Variants in FRMD4A observed in about 807,000 individuals in gnomAD.
FRMD4A encodes the protein FERM domain-containing protein 4A.
A neutral mutation model predicts 129.1 loss-of-function variants in FRMD4A; 29 were observed. The ratio of observed to expected loss-of-function variants is 0.22; its 90% CI spans 0.17 to 0.31. FRMD4A has a LOEUF of 0.31. Among genes scored for constraint, FRMD4A ranks in the 10% least tolerant of loss-of-function variants. The pLI, the probability that FRMD4A is intolerant of heterozygous loss-of-function variation, is 1.00. For synonymous variants in FRMD4A, 634 were observed against 571.6 expected (o/e 1.11, Z -1.56); for missense variants, 1,272 against 1,375.8 (o/e 0.92, Z 1.19).
intron 2 of FRMD4A, among the ~76,000 whole-genome samples, chr10:14,194,439 T>C (rs1842412519): frequency 6.6e-6 from 1 of 152,090 alleles, no homozygotes; most frequent in South Asian, 2.1e-4. Flanking sequence ...TGAAACCCCG[T>C]CTCTACTAAA....
At chr10:14,043,495 A>C (rs974531836) in intron 2 of FRMD4A, among the ~76,000 whole-genome samples, 2 of 151,980 alleles carry the variant, frequency 1.3e-5, no homozygotes, top group African/African-American at 4.8e-5. Flanking sequence ...TTCCTCTCTG[A>C]TGTGCAGTTG....
At chr10:14,227,272 G>A (rs1360306543) in intron 2 of FRMD4A, among the ~76,000 whole-genome samples, 1 of 12,400 alleles carries the variant, frequency 8.1e-5, no homozygotes, top group Non-Finnish European at 2.2e-4. Context: ...TTTTTTTTTA[G>A]GCAGAGTCTC....
At chr10:13,787,511 G>T (rs1461416144) in intron 5 of FRMD4A, among the ~76,000 whole-genome samples, 3 of 152,182 alleles carry the variant, frequency 2.0e-5, no homozygotes, top group African/African-American at 7.2e-5. Flanking sequence ...ACTCAGGCTG[G>T]AGTGCAGTGT....
intron 2 of FRMD4A, among the ~76,000 whole-genome samples, chr10:14,099,667 C>A (rs1306645125): frequency 6.6e-6 from 1 of 152,166 alleles, no homozygotes; most frequent in African/African-American, 2.4e-5. Flanking sequence ...CCATGTTGTG[C>A]AAGGGTCAGC....
chr10:14,061,148 T>C (rs955916121), intron 2 of FRMD4A, among the ~76,000 whole-genome samples: 9 of 152,318 alleles, frequency 5.9e-5, no homozygotes, highest in Admixed American at 4.6e-4. Context: ...AAATATGCAA[T>C]ATTTAAAAGC....
At chr10:14,249,989 G>C (rs554145582) in intron 2 of FRMD4A, among the ~76,000 whole-genome samples, 6 of 152,090 alleles carry the variant, frequency 3.9e-5, no homozygotes, top group Non-Finnish European at 1.5e-5. Flanking sequence ...ATTTATTTGA[G>C]ACAGAGTTTT....
intron 2 of FRMD4A, among the ~76,000 whole-genome samples, chr10:14,124,004 C>G (rs76833623): frequency 2.6e-5 from 4 of 152,136 alleles, no homozygotes; most frequent in Non-Finnish European, 5.9e-5. Context: ...GCCACAGAGA[C>G]CTGCGTTTAG....
chr10:13,815,504 T>C (rs897210370), intron 3 of FRMD4A, among the ~76,000 whole-genome samples: 1 of 152,178 alleles, frequency 6.6e-6, no homozygotes. Context: ...TGTATGCATT[T>C]GATGCCACTG....
chr10:13,657,790 T>TTTTTTTG (rs2082299536), intron 21 of FRMD4A, among the ~76,000 whole-genome samples: 2 of 147,750 alleles, frequency 1.4e-5, no homozygotes, highest in African/African-American at 4.9e-5. Context: ...ATTTCTGGGT[T>TTTTTTTG]TTTTTTTTTT....
chr10:13,713,838 AATATATATACACATATATATAATAT>A (rs1168616920), intron 12 of FRMD4A, among the ~76,000 whole-genome samples: 1 of 80,154 alleles, frequency 1.2e-5, no homozygotes, highest in Non-Finnish European at 2.4e-5. Context: ...ACATATATGT[AATATATATACACATATATATAATAT>A]ATATACATAT....
At chr10:13,808,720 T>A (rs1251089313) in intron 4 of FRMD4A, among the ~76,000 whole-genome samples, 1 of 152,192 alleles carries the variant, frequency 6.6e-6, no homozygotes, top group Non-Finnish European at 1.5e-5. Context: ...CATCTGCTAG[T>A]TCTTTTTCAG....
At chr10:14,104,125 CTACACTGCCATTGAGGT>C (rs1837454984) in intron 2 of FRMD4A, among the ~76,000 whole-genome samples, 1 of 152,154 alleles carries the variant, frequency 6.6e-6, no homozygotes, top group South Asian at 2.1e-4. Flanking sequence ...CCATCAAGGT[CTACACTGCCATTGAGGT>C]TACGCTGCCA....
intron 2 of FRMD4A, among the ~76,000 whole-genome samples, chr10:14,202,561 C>T (rs1328213983): frequency 5.3e-5 from 8 of 151,972 alleles, no homozygotes; most frequent in East Asian, 3.9e-4. Flanking sequence ...GCACCACCCC[C>T]GGCTAATTTT....
intron 24 of FRMD4A, chr10:13,651,153 G>C (rs2081545367): frequency 6.6e-6 from 1 of 152,246 alleles, no homozygotes; most frequent in African/African-American, 2.4e-5. Flanking sequence ...AGGTTCAGTA[G>C]GCCAGGGTGG....
At chr10:13,835,791 T>C (rs1373079481) in intron 3 of FRMD4A, among the ~76,000 whole-genome samples, 3 of 152,232 alleles carry the variant, frequency 2.0e-5, no homozygotes, top group South Asian at 2.1e-4. Flanking sequence ...ATAATAGAAA[T>C]AAAGTGCACA....
At chr10:13,872,054 T>C (rs950053310) in intron 2 of FRMD4A, among the ~76,000 whole-genome samples, 3 of 152,210 alleles carry the variant, frequency 2.0e-5, no homozygotes, top group Non-Finnish European at 4.4e-5. Context: ...TCCTACCTCG[T>C]AGAGTTGTGA....
chr10:13,702,540 A>ATATGTGTG (rs1554852830), intron 13 of FRMD4A, among the ~76,000 whole-genome samples: 5 of 107,718 alleles, frequency 4.6e-5, no homozygotes, highest in Admixed American at 2.2e-4. Context: ...GTGTGTTTGC[A>ATATGTGTG]TGTGTGTGTG....
intron 2 of FRMD4A, among the ~76,000 whole-genome samples, chr10:14,236,053 T>C (rs1166297681): frequency 6.6e-6 from 1 of 152,242 alleles, no homozygotes; most frequent in Non-Finnish European, 1.5e-5. Context: ...TCTAGCTTCA[T>C]GCACGATCAT....
rs137967768 is a variant in FRMD4A at position 13,699,592 on chromosome 10, C to T, written c.975+1748G>A. The stretch of plus-strand genomic sequence containing the variant: ...AGCCAATGCTGTGCTATCCTCAGGG[C>T]GAGATACACCTTTTCCTCTGTCCAC... On this transcript the variant is annotated intron_variant, in intron 14 of 24. Coordinates refer to ENST00000357447, the MANE Select transcript of FRMD4A (RefSeq NM_018027.5). 1.7e-3 allele frequency among the ~76,000 whole-genome samples: 258 copies of T among 152,296 alleles called. 2 individuals are homozygous for T. Among genetic ancestry groups the T allele is most frequent in the African/African-American group, 5.7e-3 (238 of 41,552 alleles).
Sources: allele counts gnomAD v4.1 joint callset (sites outside exome capture counted in the v4.1 genomes callset), GRCh38; gene constraint gnomAD v4.1.1; transcripts MANE v1.5; gene names NCBI Gene and HGNC (gene_info 2026-07-23, HGNC 2026-07-21).